Variants in GNA14 observed in about 807,000 individuals in gnomAD.
The protein encoded by GNA14 is G protein subunit alpha 14.
A neutral mutation model predicts 42.0 loss-of-function variants in GNA14; 50 were observed. That is an observed-to-expected ratio of 1.19 (90% confidence interval 0.95 to 1.51). The LOEUF is 1.51. GNA14 is among the 40% of genes most tolerant of loss of function. The probability of loss-of-function intolerance (pLI) is 0.00; values close to 1 mark genes in which losing one functional copy is unlikely to be tolerated. For missense variants in GNA14, 473 were observed against 446.2 expected, an observed-to-expected ratio of 1.06 and a Z score of -0.54; for synonymous variants, 173 against 163.1, an observed-to-expected ratio of 1.06 and a Z score of -0.46.
chr9:77,540,525 G>A (rs1029313538), intron 1 of GNA14, among the ~76,000 whole-genome samples: 2 of 152,098 alleles, frequency 1.3e-5, no homozygotes. Context: ...ATGTTTCTTT[G>A]TTGATTTTCT....
chr9:77,616,926 G>C (rs1823830066), intron 1 of GNA14, among the ~76,000 whole-genome samples: 2 of 147,484 alleles, frequency 1.4e-5, no homozygotes, highest in Admixed American at 6.6e-5. Context: ...CTGGAGTGTG[G>C]TGGCACGATC....
chr9:77,448,002 A>G (rs1835850021), intron 2 of GNA14, among the ~76,000 whole-genome samples: 1 of 152,226 alleles, frequency 6.6e-6, no homozygotes, highest in Non-Finnish European at 1.5e-5. Flanking sequence ...GGTTTCTAAC[A>G]TTTGTATGAT....
At chr9:77,607,647 A>C (rs188023217) in intron 1 of GNA14, among the ~76,000 whole-genome samples, 1 of 152,236 alleles carries the variant, frequency 6.6e-6, no homozygotes, top group Non-Finnish European at 1.5e-5. Flanking sequence ...GCTGCTCTGT[A>C]TTTGTTTCTT....
chr9:77,514,895 G>C (rs999984186), intron 2 of GNA14, among the ~76,000 whole-genome samples: 1 of 152,190 alleles, frequency 6.6e-6, no homozygotes, highest in African/African-American at 2.4e-5. Context: ...TTACAGGCAT[G>C]AGCCACTGCG....
chr9:77,612,371 C>T (rs1823748129), intron 1 of GNA14, among the ~76,000 whole-genome samples: 1 of 152,138 alleles, frequency 6.6e-6, no homozygotes, highest in Admixed American at 6.6e-5. Context: ...GATCCTTTTC[C>T]AGACATCATT....
chr9:77,627,071 A>C (rs1430639091), intron 1 of GNA14, among the ~76,000 whole-genome samples: 1 of 152,234 alleles, frequency 6.6e-6, no homozygotes, highest in African/African-American at 2.4e-5. Context: ...ATCCCACAGA[A>C]ATACAAACTA....
chr9:77,431,320 C>G lies in GNA14; in HGVS notation c.593+1G>C, dbSNP rs140029377. ...ATGGTACATCAGGGAGACAGACTTACCGAAAGATGATGTTTTCCAAGTCAA... is the reference window on the plus strand; with the variant it reads ...ATGGTACATCAGGGAGACAGACTTAGCGAAAGATGATGTTTTCCAAGTCAA... On this transcript the variant is annotated splice_donor_variant, in intron 4 of 6. Coordinates refer to ENST00000341700, the MANE Select transcript of GNA14 (RefSeq NM_004297.4). LOFTEE classifies it high-confidence loss of function. 1 of 1,613,224 alleles carries G rather than the reference C, an allele frequency of 6.2e-7. No individual in the cohort carries two copies. The highest frequency in any genetic ancestry group is 8.5e-7 in the Non-Finnish European group (1 of 1,179,452).
intron 2 of GNA14, among the ~76,000 whole-genome samples, chr9:77,489,973 G>C (rs1381453452): frequency 6.6e-6 from 1 of 152,188 alleles, no homozygotes; most frequent in Non-Finnish European, 1.5e-5. Context: ...CTGATTGGTA[G>C]AGCCGAGCAG....
chr9:77,447,800 C>A (rs983526909), intron 2 of GNA14, among the ~76,000 whole-genome samples: 1 of 152,288 alleles, frequency 6.6e-6, no homozygotes, highest in East Asian at 1.9e-4. Flanking sequence ...CAGGTCTGGA[C>A]ATGGTGGACT....
chr9:77,442,621 G>A (rs566238332), intron 2 of GNA14, among the ~76,000 whole-genome samples: 1 of 152,298 alleles, frequency 6.6e-6, no homozygotes, highest in Admixed American at 6.5e-5. Flanking sequence ...TTGGCTCTGT[G>A]TTAGGATTCC....
intron 1 of GNA14, among the ~76,000 whole-genome samples, chr9:77,609,074 T>A (rs747371395): frequency 4.1e-4 from 62 of 152,180 alleles, no homozygotes; most frequent in Non-Finnish European, 1.8e-4. Context: ...CCTTTTTGCA[T>A]AGGAATTCCT....
In GNA14 at chr9:77,589,522, C is replaced by T. The variant is rs769993767; in HGVS notation, c.124+58148G>A. Among the ~76,000 whole-genome samples the T allele has an allele frequency of 5.3e-5, 8 of 152,128 alleles. No homozygotes were observed. In the South Asian group the frequency reaches 1.2e-3, roughly 24 times the overall value. ...CTTATATTTCATTCTCAAAAGCCAT[C>T]GTATGAGTCAGCCCTGTCTTTACAG... is the stretch of plus-strand genomic sequence containing the variant. On this transcript the variant is annotated intron_variant, in intron 1 of 6. Transcript: ENST00000341700.
intron 1 of GNA14, among the ~76,000 whole-genome samples, chr9:77,567,747 G>A (rs1822989509): frequency 6.6e-6 from 1 of 152,136 alleles, no homozygotes; most frequent in Non-Finnish European, 1.5e-5. Flanking sequence ...CACGCCTGTA[G>A]TCCCAGCTAC....
At chr9:77,596,277 TA>T in intron 1 of GNA14, among the ~76,000 whole-genome samples, 1 of 152,226 alleles carries the variant, frequency 6.6e-6, no homozygotes, top group Non-Finnish European at 1.5e-5. Flanking sequence ...TGACTGAAAT[TA>T]AGCCATGTTC....
Position 77,504,255 on chromosome 9 carries a change from C to T in GNA14, c.309+24814G>A, listed in dbSNP as rs141240467. 5.3e-3 allele frequency among the ~76,000 whole-genome samples: 802 copies of T among 152,046 alleles called. 7 individuals carry two copies. Among genetic ancestry groups the T allele is most frequent in the African/African-American group, 0.017 (699 of 41,396 alleles). ...AATTCTTTTCAAGGGCCCTTATAAA[C>T]GCGATCTTTTTTTCTAAGCCTTAAA... On this transcript the variant is annotated intron_variant, in intron 2 of 6. Transcript: ENST00000341700.
intron 1 of GNA14, among the ~76,000 whole-genome samples, chr9:77,558,755 A>T (rs1822830268): frequency 6.6e-6 from 1 of 152,182 alleles, no homozygotes; most frequent in African/African-American, 2.4e-5. Flanking sequence ...TTCTGTATAA[A>T]GTCAGAAGAA....
At chr9:77,492,894 G>A (rs376650879) in intron 2 of GNA14, among the ~76,000 whole-genome samples, 1 of 150,632 alleles carries the variant, frequency 6.6e-6, no homozygotes, top group Admixed American at 6.6e-5. Flanking sequence ...CCAGCTACTC[G>A]GGAGGCTGAG....
intron 2 of GNA14, 69 bp from the exon 3 acceptor site, chr9:77,434,591 C>G (rs969467440): frequency 2.0e-5 from 28 of 1,380,794 alleles, no homozygotes; most frequent in Non-Finnish European, 2.7e-5. Flanking sequence ...AATGTCGGTA[C>G]AAGTCTTGCC....
intron 2 of GNA14, among the ~76,000 whole-genome samples, chr9:77,520,461 C>A (rs1461492322): frequency 6.6e-6 from 1 of 152,192 alleles, no homozygotes; most frequent in Non-Finnish European, 1.5e-5. Context: ...ATGTTCCTAG[C>A]ATCACTGATA....
Sources: allele counts gnomAD v4.1 joint callset (sites outside exome capture counted in the v4.1 genomes callset), GRCh38; gene constraint gnomAD v4.1.1; transcripts MANE v1.5; gene names NCBI Gene and HGNC (gene_info 2026-07-23, HGNC 2026-07-21).